RNF144A: variants seen among roughly 807,000 people sequenced by gnomAD.
RNF144A encodes E3 ubiquitin-protein ligase RNF144A.
In RNF144A, 11 loss-of-function variants were observed where a neutral mutation model predicts 38.7. The ratio of observed to expected loss-of-function variants is 0.28; its 90% CI spans 0.18 to 0.47. The LOEUF is 0.47. Ranked by LOEUF, RNF144A falls within the 20% of genes least tolerant of loss-of-function variation. The pLI is 0.99. For missense variants in RNF144A, 316 were observed against 377.2 expected, an observed-to-expected ratio of 0.84 and a Z score of 1.34; for synonymous variants, 149 against 143.9, an observed-to-expected ratio of 1.04 and a Z score of -0.25.
chr2:7,050,095 G>A (rs1187584719), intron 6 of RNF144A, among the ~76,000 whole-genome samples: 57 of 152,192 alleles, frequency 3.7e-4, no homozygotes, highest in Admixed American at 3.7e-3. Context: ...ATGAATTCAC[G>A]AGTGAGTAGG....
chr2:6,954,571 T>C (rs533807879), intron 2 of RNF144A, among the ~76,000 whole-genome samples: 1 of 152,242 alleles, frequency 6.6e-6, no homozygotes, highest in African/African-American at 2.4e-5. Flanking sequence ...ATTACTGATT[T>C]TTGTTGCTGC....
chr2:6,967,998 G>C (rs546138372), intron 2 of RNF144A, among the ~76,000 whole-genome samples: 110 of 152,284 alleles, frequency 7.2e-4, no homozygotes, highest in African/African-American at 2.6e-3. Flanking sequence ...GGGTCACTGC[G>C]TGTAATGAGT....
chr2:6,924,968 G>C (rs1188359461), intron 1 of RNF144A, among the ~76,000 whole-genome samples: 2 of 152,204 alleles, frequency 1.3e-5, no homozygotes, highest in African/African-American at 2.4e-5. Context: ...CCTTGGGGCT[G>C]GCTCTTTGAC....
intron 5 of RNF144A, 64 bp downstream of exon 5, chr2:7,014,836 G>C: frequency 8.1e-7 from 1 of 1,234,916 alleles, no homozygotes; most frequent in Non-Finnish European, 1.2e-6. Context: ...TAATTTTGTG[G>C]GGAGTTCTTT....
chr2:6,963,419 C>T (rs1397509531), intron 2 of RNF144A, among the ~76,000 whole-genome samples: 1 of 152,306 alleles, frequency 6.6e-6, no homozygotes, highest in African/African-American at 2.4e-5. Flanking sequence ...TTTCTGAGCT[C>T]GTAGACATTC....
At chr2:7,061,729 G>A (rs771465395) in intron 6 of RNF144A, among the ~76,000 whole-genome samples, 2 of 152,134 alleles carry the variant, frequency 1.3e-5, no homozygotes, top group Non-Finnish European at 2.9e-5. Flanking sequence ...CGATGGCATT[G>A]CTTTTTAAAT....
intron 1 of RNF144A, among the ~76,000 whole-genome samples, chr2:6,925,936 A>G (rs1347903915): frequency 1.3e-5 from 2 of 152,240 alleles, no homozygotes; most frequent in Non-Finnish European, 2.9e-5. Flanking sequence ...TACCAGTATC[A>G]GGCATAGTGT....
intron 2 of RNF144A, among the ~76,000 whole-genome samples, chr2:6,980,218 G>A (rs568027988): frequency 2.0e-5 from 3 of 152,208 alleles, no homozygotes; most frequent in South Asian, 4.1e-4. Context: ...CCCAGATATC[G>A]TGTCCTTTCC....
rs561747478 is a variant in RNF144A, at chr2:7,013,730, G to C, written c.136-724G>C. 2.6e-4 allele frequency among the ~76,000 whole-genome samples: 40 copies of C among 152,318 alleles called. No individual in the cohort carries two copies. The South Asian group carries it at 7.9e-3, about 30-fold the overall frequency. Reference sequence around the variant, plus strand: ...AAGACTAGTAGACTTTGTAAAGCAGGAGTGAAGACCACAGAATCTTTTATA... The same window carrying C: ...AAGACTAGTAGACTTTGTAAAGCAGCAGTGAAGACCACAGAATCTTTTATA... On this transcript the variant is annotated intron_variant, in intron 3 of 8. Coordinates refer to ENST00000320892, the MANE Select transcript of RNF144A (RefSeq NM_014746.6).
chr2:6,996,763 A>C (rs75790568), intron 2 of RNF144A, 153 bp from the exon 3 acceptor site: 2 of 776,858 alleles, frequency 2.6e-6, no homozygotes, highest in Non-Finnish European at 4.0e-6. Flanking sequence ...AAAAAAAACC[A>C]AAAAATTCTC....
At chr2:7,007,231 C>T (rs890383749) in intron 3 of RNF144A, among the ~76,000 whole-genome samples, 10 of 152,178 alleles carry the variant, frequency 6.6e-5, no homozygotes, top group African/African-American at 2.2e-4. Flanking sequence ...CTCCCCAGCC[C>T]TTTCTTATAC....
intron 2 of RNF144A, among the ~76,000 whole-genome samples, chr2:6,974,385 A>C (rs1232057046): frequency 1.3e-5 from 2 of 152,322 alleles, no homozygotes; most frequent in Admixed American, 6.5e-5. Flanking sequence ...TGTGATATTC[A>C]ACAAGCTTCT....
At chr2:7,005,658 C>G (rs533165953) in intron 3 of RNF144A, among the ~76,000 whole-genome samples, 1 of 152,240 alleles carries the variant, frequency 6.6e-6, no homozygotes, top group African/African-American at 2.4e-5. Context: ...GACCAGCACC[C>G]GTACCCCTCA....
chr2:6,959,206 T>C (rs78394490), intron 2 of RNF144A, among the ~76,000 whole-genome samples: 3,030 of 152,272 alleles, frequency 0.02, 99 homozygotes, highest in African/African-American at 0.07. Flanking sequence ...CAGGGAGTTC[T>C]GATCTCAGGG....
In RNF144A at chr2:6,993,206, T is replaced by C. The variant is rs77849005; in HGVS notation, c.-11-3710T>C. On this transcript the variant is annotated intron_variant, in intron 2 of 8. Coordinates refer to ENST00000320892, the MANE Select transcript of RNF144A (RefSeq NM_014746.6). ...ACGATTTTGAGCACAACTCAGAGAC[T>C]GTGTATTCTGTTGGGGAAAGAATAG... Among the ~76,000 whole-genome samples, 680 of 152,292 alleles carry C rather than the reference T, an allele frequency of 4.5e-3. 6 individuals are homozygous for C. The highest frequency in any genetic ancestry group is 0.016 in the African/African-American group (650 of 41,564).
Position 7,039,795 on chromosome 2 carries a change from G to A in RNF144A, c.*35G>A, listed in dbSNP as rs760053213. 27 of 1,606,718 alleles carry A rather than the reference G, an allele frequency of 1.7e-5. No homozygotes were observed. The highest frequency in any genetic ancestry group is 4.0e-5 in the African/African-American group (3 of 74,706). ...GATGCTGGAACACATCCCTGCCTCC[G>A]GGAAGTGTGGCTCTCCCCCAACCCT... On this transcript the variant is annotated 3_prime_UTR_variant, in exon 9 of 9. Transcript: ENST00000320892.
intron 1 of RNF144A, among the ~76,000 whole-genome samples, chr2:6,924,378 A>C (rs371925563): frequency 3.2e-4 from 49 of 152,362 alleles, no homozygotes; most frequent in African/African-American, 1.1e-3. Context: ...GAGATGCATA[A>C]TGTGGAATGG....
chr2:6,982,809 A>T (rs1668717038), intron 2 of RNF144A, among the ~76,000 whole-genome samples: 1 of 152,254 alleles, frequency 6.6e-6, no homozygotes, highest in Non-Finnish European at 1.5e-5. Context: ...TTCCTGCTGC[A>T]GTAACATTGG....
chr2:6,998,482 G>T (rs985931731), intron 3 of RNF144A, among the ~76,000 whole-genome samples: 1 of 152,186 alleles, frequency 6.6e-6, no homozygotes, highest in Non-Finnish European at 1.5e-5. Context: ...CCTTTCTTAA[G>T]GGCAGAAGGA....
Sources: allele counts gnomAD v4.1 joint callset (sites outside exome capture counted in the v4.1 genomes callset), GRCh38; gene constraint gnomAD v4.1.1; transcripts MANE v1.5; gene names NCBI Gene and HGNC (gene_info 2026-07-23, HGNC 2026-07-21).